The following METTL8 variants were observed in gnomAD, a reference collection of about 807,000 sequenced individuals.
METTL8 encodes the protein tRNA N(3)-cytidine methyltransferase METTL8, mitochondrial.
METTL8 carries 32 observed loss-of-function variants against 48.7 expected under a neutral mutation model. The observed-to-expected ratio is 0.66, with a 90% CI of 0.50 to 0.88. The LOEUF is 0.88. Ranked by LOEUF, METTL8 falls within the 40% of genes least tolerant of loss-of-function variation. The pLI is 0.00. For missense variants in METTL8, 464 were observed against 474.4 expected (o/e 0.98, Z 0.20); for synonymous variants, 136 against 157.1 (o/e 0.87, Z 1.01).
chr2:171,387,286 G>C (rs910321615), intron 2 of METTL8, among the ~76,000 whole-genome samples: 1 of 152,110 alleles, frequency 6.6e-6, no homozygotes, highest in African/African-American at 2.4e-5. Context: ...CCCACAGCCT[G>C]CCCATCTGTA....
chr2:171,324,660 TG>T (rs1684745827), intron 9 of METTL8, among the ~76,000 whole-genome samples: 1 of 152,240 alleles, frequency 6.6e-6, no homozygotes, highest in Admixed American at 6.5e-5. Flanking sequence ...TCTGAGTTTT[TG>T]TTGGTTTACA....
At chr2:171,379,550 G>A (rs903487523) in intron 2 of METTL8, among the ~76,000 whole-genome samples, 3 of 151,516 alleles carry the variant, frequency 2.0e-5, no homozygotes, top group Admixed American at 2.0e-4. Flanking sequence ...GAATCAAATA[G>A]ATGAAAAATG....
chr2:171,349,638 G>A (rs764052439), intron 3 of METTL8, among the ~76,000 whole-genome samples: 15 of 152,148 alleles, frequency 9.9e-5, no homozygotes, highest in Non-Finnish European at 1.9e-4. Flanking sequence ...GTGTGCAAAT[G>A]TCTCTTTGAG....
In METTL8 at chr2:171,337,441, C is replaced by A; in HGVS notation, c.656+12G>T. 1.3e-6 allele frequency: 2 copies of A among 1,582,440 alleles called. No individual in the cohort carries two copies. Among genetic ancestry groups the A allele is most frequent in the Admixed American group, 1.8e-5 (1 of 55,672 alleles). ...TGTAAAATTCTGTAGAAAGAAAACT[C>A]TTAAAACTCACTCCAAAGTGTTCAA... On this transcript the variant is annotated intron_variant, in intron 5 of 9. Coordinates refer to ENST00000375258, the MANE Select transcript of METTL8 (RefSeq NM_001321154.2).
At chr2:171,413,034 A>C (rs1186247875) in intron 1 of METTL8, among the ~76,000 whole-genome samples, 15 of 152,232 alleles carry the variant, frequency 9.9e-5, no homozygotes, top group Admixed American at 9.8e-4. Context: ...AGACCTATAC[A>C]ACTCAATGAG....
intron 1 of METTL8, among the ~76,000 whole-genome samples, chr2:171,417,435 G>T (rs944119872): frequency 1.3e-5 from 2 of 152,180 alleles, no homozygotes; most frequent in Non-Finnish European, 2.9e-5. Flanking sequence ...TATAAGGTTT[G>T]CTTTGTGCTA....
At chr2:171,352,889 A>T (rs1306980916) in intron 3 of METTL8, among the ~76,000 whole-genome samples, 1 of 152,108 alleles carries the variant, frequency 6.6e-6, no homozygotes, top group African/African-American at 2.4e-5. Flanking sequence ...CTAGCGGTCT[A>T]TCAATTTTGT....
chr2:171,360,641 A>G, intron 2 of METTL8, 128 bp from the exon 3 acceptor site: 1 of 726,182 alleles, frequency 1.4e-6, no homozygotes, highest in Non-Finnish European at 2.2e-6. Context: ...TCCACATGGA[A>G]TGAATACATT....
intron 2 of METTL8, among the ~76,000 whole-genome samples, chr2:171,391,754 C>T (rs567777919): frequency 6.6e-6 from 1 of 152,182 alleles, no homozygotes; most frequent in South Asian, 2.1e-4. Flanking sequence ...GAATCCTCAC[C>T]CCCACCCAGT....
chr2:171,337,972 T>A (rs1041707335), intron 4 of METTL8, among the ~76,000 whole-genome samples: 10 of 152,156 alleles, frequency 6.6e-5, no homozygotes, highest in Admixed American at 6.5e-4. Flanking sequence ...CTTCAATCAA[T>A]GAGGGTGTGA....
chr2:171,426,143 T>TAG (rs1238907302), intron 1 of METTL8, among the ~76,000 whole-genome samples: 3 of 151,758 alleles, frequency 2.0e-5, no homozygotes, highest in Non-Finnish European at 2.9e-5. Flanking sequence ...GGCAATAGAG[T>TAG]AAGACTCCAT....
chr2:171,360,705 T>C (rs1358273118), intron 2 of METTL8, among the ~76,000 whole-genome samples, 192 bp from the exon 3 acceptor site: 1 of 152,196 alleles, frequency 6.6e-6, no homozygotes, highest in Non-Finnish European at 1.5e-5. Flanking sequence ...ACTCCTAAGA[T>C]TCTTCTGTTT....
Position 171,325,878 on chromosome 2 carries a change from A to C in METTL8, c.996T>G (p.Val332=), listed in dbSNP as rs1315943926. The C allele has an allele frequency of 8.7e-6, 14 of 1,602,296 alleles. No homozygotes were observed. Among genetic ancestry groups the C allele is most frequent in the Non-Finnish European group, 1.2e-5 (14 of 1,172,492 alleles). ...AATATGCTCTGGTACCATCTCCTCG[A>C]ACATAAAAATTTTCAGATAAACAAT... is the stretch of plus-strand genomic sequence containing the variant. ...KGHCLSENFY[V]RGDGTRAYFF... Residue 332 remains valine (V), a synonymous_variant, in exon 9 of 10, where the codon GTT becomes GTG. Transcript: ENST00000375258.
chr2:171,348,756 T>C (rs775865303), intron 3 of METTL8, among the ~76,000 whole-genome samples: 1 of 152,164 alleles, frequency 6.6e-6, no homozygotes, highest in Non-Finnish European at 1.5e-5. Flanking sequence ...CATTGAACTA[T>C]GCGAGAATTC....
intron 2 of METTL8, among the ~76,000 whole-genome samples, chr2:171,376,484 A>C (rs2105516581): frequency 6.6e-6 from 1 of 152,314 alleles, no homozygotes; most frequent in African/African-American, 2.4e-5. Flanking sequence ...AGATCTGATA[A>C]ATGGATTCAG....
intron 1 of METTL8, among the ~76,000 whole-genome samples, chr2:171,396,578 CCTTG>C (rs1019072806): frequency 2.0e-5 from 3 of 152,212 alleles, no homozygotes; most frequent in South Asian, 4.1e-4. Context: ...TATTGTCAAT[CCTTG>C]CTTTTGTATC....
chr2:171,371,746 C>G (rs1411210117), intron 2 of METTL8, among the ~76,000 whole-genome samples: 1 of 152,072 alleles, frequency 6.6e-6, no homozygotes, highest in African/African-American at 2.4e-5. Flanking sequence ...ATCTTTCGGC[C>G]TCAGCCTCCT....
At chr2:171,341,756 TA>T (rs1361036468) in intron 3 of METTL8, among the ~76,000 whole-genome samples, 1 of 151,988 alleles carries the variant, frequency 6.6e-6, no homozygotes, top group Non-Finnish European at 1.5e-5. Flanking sequence ...GCAAGGTATA[TA>T]ACAGTGTCTA....
rs528279048 is a variant in METTL8, at chr2:171,351,698, C to G, written c.235+8724G>C. Among the ~76,000 whole-genome samples, 457 of 152,212 alleles carry G rather than the reference C, an allele frequency of 3.0e-3. 2 individuals carry two copies. Among genetic ancestry groups the G allele is most frequent in the Non-Finnish European group, 5.5e-3 (374 of 68,024 alleles). Reference sequence around the variant, plus strand: ...CTTCACATCCCTTGTAATTTGGATTCCTAGGTATTTTATTCTCTTTGAAGC... The same window carrying G: ...CTTCACATCCCTTGTAATTTGGATTGCTAGGTATTTTATTCTCTTTGAAGC... On this transcript the variant is annotated intron_variant, in intron 3 of 9. Coordinates refer to ENST00000375258, the MANE Select transcript of METTL8 (RefSeq NM_001321154.2).
Sources: gnomAD v4.1 joint callset for allele counts (sites outside exome capture counted in the v4.1 genomes callset) on GRCh38, gnomAD v4.1.1 for gene constraint, MANE v1.5 for transcripts, NCBI Gene and HGNC (gene_info 2026-07-23, HGNC 2026-07-21) for gene names.